The following KIAA1671 variants were observed in gnomAD, a reference collection of about 807,000 sequenced individuals.
KIAA1671 encodes uncharacterized protein KIAA1671.
In KIAA1671, 52 loss-of-function variants were observed where a neutral mutation model predicts 131.2. The ratio of observed to expected loss-of-function variants is 0.40; its 90% confidence interval spans 0.32 to 0.50. The LOEUF (loss-of-function observed/expected upper bound fraction) is 0.50, where lower values mean the gene tolerates loss of function less well. KIAA1671 is among the 20% of genes least tolerant of loss of function. KIAA1671 has a pLI of 0.73. For synonymous variants in KIAA1671, 1,003 were observed against 961.6 expected, an observed-to-expected ratio of 1.04 and a Z score of -0.80; for missense variants, 2,360 against 2,364.2, an observed-to-expected ratio of 1.00 and a Z score of 0.04.
At chr22:25,033,665 G>A (rs1477067749) in intron 4 of KIAA1671, among the ~76,000 whole-genome samples, 3 of 131,756 alleles carry the variant, frequency 2.3e-5, no homozygotes, top group African/African-American at 8.5e-5. Context: ...TGCAAGCTCC[G>A]CCTCCCGGGT....
At chr22:25,156,640 A>G (rs906259429) in intron 6 of KIAA1671, among the ~76,000 whole-genome samples, 7 of 151,870 alleles carry the variant, frequency 4.6e-5, no homozygotes, top group Non-Finnish European at 8.8e-5. Flanking sequence ...TTGTGTATAT[A>G]CTCATGTATG....
intron 1 of KIAA1671, among the ~76,000 whole-genome samples, chr22:24,972,657 C>T (rs1922686692): frequency 6.9e-6 from 1 of 144,550 alleles, no homozygotes; most frequent in Non-Finnish European, 1.5e-5. Flanking sequence ...TCCTTCCCTC[C>T]CTCCCTTCCT....
At chr22:25,133,838 G>A (rs763595829) in intron 6 of KIAA1671, among the ~76,000 whole-genome samples, 20 of 152,118 alleles carry the variant, frequency 1.3e-4, no homozygotes, top group Non-Finnish European at 2.5e-4. Context: ...GCGAGCCACC[G>A]CATCCTGCCC....
intron 6 of KIAA1671, among the ~76,000 whole-genome samples, chr22:25,127,681 T>G (rs966561945): frequency 6.6e-6 from 1 of 152,224 alleles, no homozygotes; most frequent in Non-Finnish European, 1.5e-5. Context: ...TATACACGCC[T>G]GGGAGCTGAA....
At position 25,181,820 on chromosome 22, in the gene KIAA1671, A is replaced by T. The variant is rs1257375618; in HGVS notation, c.5196A>T (p.Leu1732=). Residue 1732 remains leucine (L), a synonymous_variant, in exon 10 of 13, where the codon CTA becomes CTT. Transcript: ENST00000358431. ...PAFPGMDPAV[L]KAQLHKRPEV... The stretch of plus-strand genomic sequence containing the variant: ...TTCCAGGCATGGATCCGGCAGTGCT[A>T]AAGGTACCAGACCTCTCACCAAGAG... The T allele has an allele frequency of 1.9e-6, 3 of 1,551,278 alleles. No homozygotes were observed. The highest frequency in any genetic ancestry group is 2.0e-5 in the Admixed American group (1 of 50,970).
intron 6 of KIAA1671, among the ~76,000 whole-genome samples, chr22:25,077,573 A>G (rs1296688447): frequency 6.6e-6 from 1 of 152,142 alleles, no homozygotes; most frequent in Admixed American, 6.5e-5. Context: ...GTAGTGAGGA[A>G]CTGCTGAGTG....
intron 1 of KIAA1671, among the ~76,000 whole-genome samples, chr22:24,994,536 G>A (rs1317029231): frequency 1.3e-5 from 2 of 152,202 alleles, no homozygotes; most frequent in East Asian, 1.9e-4. Flanking sequence ...GTCCAACAGT[G>A]TTTGGTATGA....
intron 6 of KIAA1671, chr22:25,069,956 C>T (rs1295705242): frequency 6.0e-6 from 1 of 168,034 alleles, no homozygotes; most frequent in Non-Finnish European, 1.3e-5. Context: ...TGCATAAACA[C>T]ACACACACAC....
At position 25,197,294 on chromosome 22, in the gene KIAA1671, T is replaced by C. The variant is rs1398975019; in HGVS notation, c.*4893T>C. 6.6e-6 allele frequency: 1 copy of C among 152,240 alleles called. No homozygotes were observed. The highest frequency in any genetic ancestry group is 1.5e-5 in the Non-Finnish European group (1 of 68,046). 9.4% of individuals were successfully genotyped at this position (152,240 alleles called of 1,614,324 possible). ...TATTGGACGTCTACAAGTGCTTTTA[T>C]ATTTTGTAACTGTAAAGAAGTTTCA... is the stretch of plus-strand genomic sequence containing the variant. On this transcript the variant is annotated 3_prime_UTR_variant, in exon 13 of 13. Transcript: ENST00000358431.
At chr22:24,953,434 G>A (rs1424955038) in intron 1 of KIAA1671, among the ~76,000 whole-genome samples, 1 of 152,078 alleles carries the variant, frequency 6.6e-6, no homozygotes, top group Non-Finnish European at 1.5e-5. Context: ...TGAGAGGGGC[G>A]GCGCGCGGGG....
chr22:25,032,709 T>C lies in KIAA1671; in HGVS notation c.1629+13T>C. 1.3e-6 allele frequency: 2 copies of C among 1,507,842 alleles called. No individual in the cohort carries two copies. The highest frequency in any genetic ancestry group is 1.8e-6 in the Non-Finnish European group (2 of 1,110,482). 93.4% of individuals were successfully genotyped at this position (1,507,842 alleles called of 1,614,324 possible). On this transcript the variant is annotated intron_variant, in intron 4 of 12. Transcript: ENST00000358431. Reference sequence around the variant, plus strand: ...ACCGAGAGAAAAGGTAAGGAGTGGCTGTGTAGCACGTCTCTCATTAACCAG... The same window carrying C: ...ACCGAGAGAAAAGGTAAGGAGTGGCCGTGTAGCACGTCTCTCATTAACCAG...
chr22:25,068,995 G>A (rs186728575), intron 6 of KIAA1671, among the ~76,000 whole-genome samples: 80 of 146,474 alleles, frequency 5.5e-4, no homozygotes, highest in Non-Finnish European at 9.2e-4. Flanking sequence ...TGCATCCGGC[G>A]CTCACTTGCC....
At chr22:25,179,349 A>C (rs1601387079) in intron 9 of KIAA1671, 1 of 1,595,134 alleles carries the variant, frequency 6.3e-7, no homozygotes, top group Non-Finnish European at 8.5e-7. Flanking sequence ...GTTCCTGCGC[A>C]CCTCGGCCGC....
chr22:25,017,722 G>A (rs1925404302), intron 1 of KIAA1671, among the ~76,000 whole-genome samples: 1 of 152,044 alleles, frequency 6.6e-6, no homozygotes, highest in Non-Finnish European at 1.5e-5. Flanking sequence ...GAGTAAAATG[G>A]GCTTATCCCA....
chr22:25,111,628 G>C (rs2142840), intron 6 of KIAA1671, among the ~76,000 whole-genome samples: 61,087 of 152,132 alleles, frequency 0.4, 14,676 homozygotes, highest in African/African-American at 0.68. Context: ...GGTGAGCGGG[G>C]TCTGGCCGAG....
At chr22:25,160,146 C>T (rs1299255375) in intron 6 of KIAA1671, among the ~76,000 whole-genome samples, 1 of 152,208 alleles carries the variant, frequency 6.6e-6, no homozygotes, top group Non-Finnish European at 1.5e-5. Flanking sequence ...AGTCCCAGAC[C>T]ATTGATCACC....
rs1351210601 is a variant in KIAA1671 at position 25,041,232 on chromosome 22, C to T, written c.4102C>T (p.Pro1368Ser). The change falls in exon 5 of 13, where the codon CCC (proline) becomes TCC (serine). Residue 1368 changes from proline (P) to serine (S), a missense_variant. Physicochemically the swap from Pro to Ser is moderately conservative, Grantham distance 74 (BLOSUM62 -1). Transcript: ENST00000358431. ...SGVRVSPKSPPTDQKKGTPRK... is the reference protein window; with the variant it reads ...SGVRVSPKSPSTDQKKGTPRK... Reference sequence around the variant, plus strand: ...GGTCAGGGTGTCACCCAAATCGCCCCCCACTGACCAGAAGAAAGGGACCCC... The same window carrying T: ...GGTCAGGGTGTCACCCAAATCGCCCTCCACTGACCAGAAGAAAGGGACCCC... The T allele has an allele frequency of 6.4e-7, 1 of 1,551,742 alleles. No homozygotes were observed. The highest frequency in any genetic ancestry group is 1.4e-5 in the African/African-American group (1 of 73,172).
intron 6 of KIAA1671, among the ~76,000 whole-genome samples, chr22:25,079,785 G>A (rs919332523): frequency 6.6e-6 from 1 of 152,082 alleles, no homozygotes; most frequent in African/African-American, 2.4e-5. Context: ...CTCGTGCTTG[G>A]GGACACCAGA....
chr22:25,156,965 C>T (rs1213885017), intron 6 of KIAA1671, among the ~76,000 whole-genome samples: 1 of 152,154 alleles, frequency 6.6e-6, no homozygotes, highest in African/African-American at 2.4e-5. Flanking sequence ...TGTCACCTGA[C>T]AAGTTGAGCC....
Sources: allele counts gnomAD v4.1 joint callset (sites outside exome capture counted in the v4.1 genomes callset), GRCh38; gene constraint gnomAD v4.1.1; transcripts MANE v1.5; gene names NCBI Gene and HGNC (gene_info 2026-07-23, HGNC 2026-07-21).